Variants in NXPH2 observed in about 807,000 individuals in gnomAD.
NXPH2 encodes the protein neurexophilin-2.
In NXPH2, 5 loss-of-function variants were observed where a neutral mutation model predicts 19.8. That is an observed-to-expected ratio of 0.25 (90% confidence interval 0.13 to 0.53). The LOEUF (loss-of-function observed/expected upper bound fraction) is 0.53. Among genes scored for constraint, NXPH2 ranks in the 20% least tolerant of loss-of-function variants. NXPH2 has a pLI of 0.96. For synonymous variants in NXPH2, 154 were observed against 127.4 expected, an observed-to-expected ratio of 1.21 and a Z score of -1.41; for missense variants, 289 against 322.8, an observed-to-expected ratio of 0.90 and a Z score of 0.80.
At chr2:138,716,505 C>T (rs1681197202) in intron 1 of NXPH2, among the ~76,000 whole-genome samples, 1 of 152,140 alleles carries the variant, frequency 6.6e-6, no homozygotes, top group Non-Finnish European at 1.5e-5. Context: ...TTCCAATCTC[C>T]AGAACTGTGA....
chr2:138,740,981 A>T (rs1329889623), intron 1 of NXPH2, among the ~76,000 whole-genome samples: 1 of 152,012 alleles, frequency 6.6e-6, no homozygotes, highest in Non-Finnish European at 1.5e-5. Flanking sequence ...CTTGAAATAG[A>T]TGCTTGAAGT....
At chr2:138,721,140 G>A (rs1681272709) in intron 1 of NXPH2, among the ~76,000 whole-genome samples, 1 of 152,128 alleles carries the variant, frequency 6.6e-6, no homozygotes, top group South Asian at 2.1e-4. Flanking sequence ...AGGAGTTCGA[G>A]ACCATCCTGA....
intron 1 of NXPH2, among the ~76,000 whole-genome samples, chr2:138,739,035 A>C (rs55839549): frequency 0.027 from 4,057 of 152,314 alleles, 82 homozygotes; most frequent in Non-Finnish European, 0.038. Context: ...GAAACTTCTA[A>C]ATACAACGAG....
At chr2:138,692,800 G>A (rs115525592) in intron 1 of NXPH2, among the ~76,000 whole-genome samples, 3,174 of 152,238 alleles carry the variant, frequency 0.021, 50 homozygotes, top group Non-Finnish European at 0.033. Flanking sequence ...GCAGAGGATA[G>A]CAGAGGAGAA....
At chr2:138,775,855 A>G (rs767236114) in intron 1 of NXPH2, among the ~76,000 whole-genome samples, 47 of 152,156 alleles carry the variant, frequency 3.1e-4, no homozygotes, top group Non-Finnish European at 6.2e-4. Flanking sequence ...AAGATATTAA[A>G]TGCCAGCTTC....
chr2:138,669,217 C>T lies in NXPH2; in HGVS notation c.*1705G>A, dbSNP rs1680379269. Among the ~76,000 whole-genome samples the T allele has an allele frequency of 6.6e-6, 1 of 152,038 alleles. No individual in the cohort carries two copies. Among genetic ancestry groups the T allele is most frequent in the African/African-American group, 2.4e-5 (1 of 41,414 alleles). On this transcript the variant is annotated 3_prime_UTR_variant, in exon 2 of 2. Coordinates refer to ENST00000272641, the MANE Select transcript of NXPH2 (RefSeq NM_007226.3). ...CATAAAATGTGTACACATACTTTCTCTGTACACAGAAAATTCTAAGTATAT... is the reference window on the plus strand; with the variant it reads ...CATAAAATGTGTACACATACTTTCTTTGTACACAGAAAATTCTAAGTATAT...
chr2:138,738,120 T>C (rs1477970198), intron 1 of NXPH2, among the ~76,000 whole-genome samples: 1 of 147,906 alleles, frequency 6.8e-6, no homozygotes, highest in Non-Finnish European at 1.5e-5. Flanking sequence ...CCTGTGTCCA[T>C]GTGTTCTCAT....
chr2:138,686,671 AG>A (rs1680659916), intron 1 of NXPH2, among the ~76,000 whole-genome samples: 1 of 152,116 alleles, frequency 6.6e-6, no homozygotes, highest in Non-Finnish European at 1.5e-5. Flanking sequence ...CATTTACATT[AG>A]GTATATCTCC....
intron 1 of NXPH2, among the ~76,000 whole-genome samples, chr2:138,683,550 A>G (rs1378486833): frequency 6.6e-6 from 1 of 152,134 alleles, no homozygotes; most frequent in African/African-American, 2.4e-5. Flanking sequence ...TATGCTTTGT[A>G]TTTTACTATC....
Position 138,687,034 on chromosome 2 carries a change from G to A in NXPH2, c.52-15369C>T, listed in dbSNP as rs1330378720. Among the ~76,000 whole-genome samples, 7 of 152,268 alleles carry A rather than the reference G, an allele frequency of 4.6e-5. No homozygotes were observed. In the East Asian group the frequency reaches 1.4e-3, roughly 29 times the overall value. On this transcript the variant is annotated intron_variant, in intron 1 of 1. Transcript: ENST00000272641. ...ACATATGTGTGCATGTGTCTTTATA[G>A]CAGCATGATTTATAATTTTTTGGGT...
At chr2:138,740,338 C>A (rs528016453) in intron 1 of NXPH2, among the ~76,000 whole-genome samples, 1 of 152,306 alleles carries the variant, frequency 6.6e-6, no homozygotes, top group East Asian at 1.9e-4. Flanking sequence ...TGGAGCTGCT[C>A]TGAAATGGTG....
At chr2:138,746,476 C>T (rs1681736075) in intron 1 of NXPH2, among the ~76,000 whole-genome samples, 1 of 152,204 alleles carries the variant, frequency 6.6e-6, no homozygotes, top group Non-Finnish European at 1.5e-5. Flanking sequence ...GAATGGTGAC[C>T]TGTATCTGAC....
chr2:138,707,819 C>T (rs1033219726), intron 1 of NXPH2, among the ~76,000 whole-genome samples: 1 of 152,166 alleles, frequency 6.6e-6, no homozygotes, highest in East Asian at 1.9e-4. Flanking sequence ...TTTGGCCCAT[C>T]ATTCTAGCCT....
rs181640570 is a variant in NXPH2 at position 138,726,859 on chromosome 2, G to A, written c.51+53332C>T. 1.9e-3 allele frequency among the ~76,000 whole-genome samples: 283 copies of A among 152,194 alleles called. 1 individual carries two copies. The highest frequency in any genetic ancestry group is 1.4e-3 in the Non-Finnish European group (93 of 68,020). On this transcript the variant is annotated intron_variant, in intron 1 of 1. Transcript: ENST00000272641. Reference sequence around the variant, plus strand: ...TGGTATTGTACATTCTATGGGTTTGGACAAACATGTAGTAACATGTATCCA... The same window carrying A: ...TGGTATTGTACATTCTATGGGTTTGAACAAACATGTAGTAACATGTATCCA...
chr2:138,670,613 T>C lies in NXPH2; in HGVS notation c.*309A>G, dbSNP rs1420461881. Among the ~76,000 whole-genome samples the C allele has an allele frequency of 6.6e-6, 1 of 152,214 alleles. No individual in the cohort carries two copies. Among genetic ancestry groups the C allele is most frequent in the Non-Finnish European group, 1.5e-5 (1 of 68,028 alleles). On this transcript the variant is annotated 3_prime_UTR_variant, in exon 2 of 2. Transcript: ENST00000272641. ...TCACATGCATAATTTTGTTCCTTCTTGTCACATATTGCTATCATTGATGTT... is the reference window on the plus strand; with the variant it reads ...TCACATGCATAATTTTGTTCCTTCTCGTCACATATTGCTATCATTGATGTT...
chr2:138,707,194 T>G (rs1028680055), intron 1 of NXPH2, among the ~76,000 whole-genome samples: 1 of 150,132 alleles, frequency 6.7e-6, no homozygotes, highest in Admixed American at 6.6e-5. Flanking sequence ...CAAACTTCAG[T>G]CAGGGGATTC....
Position 138,669,879 on chromosome 2 carries a change from T to C in NXPH2, c.*1043A>G, listed in dbSNP as rs1680390026. On this transcript the variant is annotated 3_prime_UTR_variant, in exon 2 of 2. Coordinates refer to ENST00000272641, the MANE Select transcript of NXPH2 (RefSeq NM_007226.3). The stretch of plus-strand genomic sequence containing the variant: ...ATAATTAGAAATGTTTAAATATAAC[T>C]CTCTATTTCCACATAGAGTTTGATC... Among the ~76,000 whole-genome samples, 3 of 152,224 alleles carry C rather than the reference T, an allele frequency of 2.0e-5. No individual in the cohort carries two copies. The South Asian group carries it at 6.2e-4, about 31-fold the overall frequency.
intron 1 of NXPH2, among the ~76,000 whole-genome samples, chr2:138,730,193 CT>C (rs36026678): frequency 1.3e-3 from 200 of 149,356 alleles, no homozygotes; most frequent in African/African-American, 4.2e-3. Context: ...CCACCCCACC[CT>C]TTTTTTTTTC....
At chr2:138,730,191 C>G in intron 1 of NXPH2, among the ~76,000 whole-genome samples, 1 of 143,118 alleles carries the variant, frequency 7.0e-6, no homozygotes, top group African/African-American at 2.5e-5. Context: ...CCCCACCCCA[C>G]CCTTTTTTTT....
Sources: gnomAD v4.1 joint callset for allele counts (sites outside exome capture counted in the v4.1 genomes callset) on GRCh38, gnomAD v4.1.1 for gene constraint, MANE v1.5 for transcripts, NCBI Gene and HGNC (gene_info 2026-07-23, HGNC 2026-07-21) for gene names.